CASQ1: variants seen among roughly 807,000 people sequenced by gnomAD.
The protein encoded by CASQ1 is calsequestrin 1.
In CASQ1, 40 loss-of-function variants were observed where a neutral mutation model predicts 49.5. The ratio of observed to expected loss-of-function variants is 0.81; its 90% CI spans 0.63 to 1.05. CASQ1 has a LOEUF of 1.05. Among genes scored for constraint, CASQ1 ranks in the 50% least tolerant of loss-of-function variants. The pLI is 0.00. For missense variants in CASQ1, 469 were observed against 486.9 expected, an observed-to-expected ratio of 0.96 and a Z score of 0.35; for synonymous variants, 174 against 187.2, an observed-to-expected ratio of 0.93 and a Z score of 0.58.
chr1:160,199,983 G>A (rs12133035), intron 10 of CASQ1, 58 bp downstream of exon 10: 15,974 of 1,146,550 alleles, frequency 0.014, 148 homozygotes, highest in Non-Finnish European at 0.018. Context: ...AGCATAGCTA[G>A]CTCTCCTCCT....
At chr1:160,191,752 C>A (rs1020855076) in intron 1 of CASQ1, among the ~76,000 whole-genome samples, 7 of 152,134 alleles carry the variant, frequency 4.6e-5, no homozygotes, top group Non-Finnish European at 7.4e-5. Flanking sequence ...AGAAAAAAAA[C>A]CTATGTTTGG....
chr1:160,190,685 G>T lies in CASQ1; in HGVS notation c.-67G>T, dbSNP rs1654051360. The stretch of plus-strand genomic sequence containing the variant: ...CCCCTAACTCAGAATCTGGGACCCA[G>T]GGGCCCCTCCCTACCCCAGCTAACC... On this transcript the variant is annotated 5_prime_UTR_variant, in exon 1 of 11. In the 5' UTR this introduces an upstream ATG that the reference lacks. Coordinates refer to ENST00000368078, the MANE Select transcript of CASQ1 (RefSeq NM_001231.5). 6.6e-7 allele frequency: 1 copy of T among 1,513,936 alleles called. No individual in the cohort carries two copies. Among genetic ancestry groups the T allele is most frequent in the Non-Finnish European group, 9.0e-7 (1 of 1,116,624 alleles). 93.8% of individuals were successfully genotyped at this position (1,513,936 alleles called of 1,614,324 possible). A position where few individuals can be genotyped will look rare whatever the true frequency, so the allele number is the denominator to read the frequency against.
intron 7 of CASQ1, chr1:160,198,325 G>A (rs1654292174): frequency 5.1e-6 from 1 of 195,504 alleles, no homozygotes; most frequent in African/African-American, 2.3e-5. Context: ...GATCAACAAG[G>A]TGAAACAATG....
At chr1:160,198,563 T>A in intron 7 of CASQ1, 114 bp from the exon 8 acceptor site, 2 of 768,180 alleles carry the variant, frequency 2.6e-6, no homozygotes, top group South Asian at 3.4e-5. Context: ...TGAAGCTGGA[T>A]TTCCACAAAA....
rs1654192844 is a variant in CASQ1 at position 160,195,387 on chromosome 1, G to A, written c.578-74G>A. 4 of 1,374,622 alleles carry A rather than the reference G, an allele frequency of 2.9e-6. No individual in the cohort carries two copies. The South Asian group carries it at 3.5e-5, about 12-fold the overall frequency. The allele number at this position is 1,374,622 out of a possible 1,614,324, so 85.2% of individuals were successfully genotyped here. On this transcript the variant is annotated intron_variant, in intron 4 of 10. Coordinates refer to ENST00000368078, the MANE Select transcript of CASQ1 (RefSeq NM_001231.5). The stretch of plus-strand genomic sequence containing the variant: ...AATGAACCCTGCCTGCAAAGAATTG[G>A]GGACGATAGTGGGGGATGATTCCCG...
Position 160,201,405 on chromosome 1 carries a change from C to G in CASQ1, c.*29C>G. On this transcript the variant is annotated 3_prime_UTR_variant, in exon 11 of 11. Transcript: ENST00000368078. ...CTATGGCAACCATCTTTCAGCCCCACTGGTCTTTTCATGCTCTCTCCTGCC... is the reference window on the plus strand; with the variant it reads ...CTATGGCAACCATCTTTCAGCCCCAGTGGTCTTTTCATGCTCTCTCCTGCC... 2 of 1,611,952 alleles carry G rather than the reference C, an allele frequency of 1.2e-6. No homozygotes were observed. Among genetic ancestry groups the G allele is most frequent in the African/African-American group, 1.3e-5 (1 of 75,010 alleles).
At position 160,190,993 on chromosome 1, in the gene CASQ1, C is replaced by T. The variant is rs1433204903; in HGVS notation, c.242C>T (p.Ser81Leu). The change falls in exon 1 of 11, where the codon TCA becomes TTA. Residue 81 changes from serine (S) to leucine (L), a missense_variant. Physicochemically the swap from Ser to Leu is moderately radical, Grantham distance 145. Coordinates refer to ENST00000368078, the MANE Select transcript of CASQ1 (RefSeq NM_001231.5). ...YHEPPEDDKA[S>L]QRQFEMEELI... The stretch of plus-strand genomic sequence containing the variant: ...GAACCCCCCGAGGATGACAAGGCCT[C>T]ACAAAGACAATTTGAGATGGAGGAG... 3 of 1,614,026 alleles carry T rather than the reference C, an allele frequency of 1.9e-6. No homozygotes were observed. The East Asian group carries it at 6.7e-5, about 36-fold the overall frequency.
At chr1:160,194,025 C>G (rs116123807) in intron 3 of CASQ1, among the ~76,000 whole-genome samples, 178 bp downstream of exon 3, 46,651 of 148,836 alleles carry the variant, frequency 0.31, 8,649 homozygotes, top group East Asian at 0.56. Context: ...CACACACCAC[C>G]TGCATACACA....
At position 160,201,403 on chromosome 1, in the gene CASQ1, C is replaced by T; in HGVS notation, c.*27C>T. 6.2e-7 allele frequency: 1 copy of T among 1,612,340 alleles called. No homozygotes were observed. Among genetic ancestry groups the T allele is most frequent in the Non-Finnish European group, 8.5e-7 (1 of 1,179,052 alleles). On this transcript the variant is annotated 3_prime_UTR_variant, in exon 11 of 11. Transcript: ENST00000368078. The stretch of plus-strand genomic sequence containing the variant: ...TGCTATGGCAACCATCTTTCAGCCC[C>T]ACTGGTCTTTTCATGCTCTCTCCTG...
At position 160,201,617 on chromosome 1, in the gene CASQ1, C is replaced by A; in HGVS notation, c.*241C>A. On this transcript the variant is annotated 3_prime_UTR_variant, in exon 11 of 11. Transcript: ENST00000368078. ...CTTCTGTTTCTTATCCCATAACTTA[C>A]TTGTATCTATTATGTGTCTCTTCCA... 1 of 566,138 alleles carries A rather than the reference C, an allele frequency of 1.8e-6. No individual in the cohort carries two copies. Among genetic ancestry groups the A allele is most frequent in the Admixed American group, 3.0e-5 (1 of 32,944 alleles). 35.1% of individuals were successfully genotyped at this position (566,138 alleles called of 1,614,324 possible). A position where few individuals can be genotyped will look rare whatever the true frequency, so the allele number is the denominator to read the frequency against.
chr1:160,193,650 A>C, intron 2 of CASQ1, 97 bp from the exon 3 acceptor site: 1 of 739,502 alleles, frequency 1.4e-6, no homozygotes, highest in East Asian at 2.7e-5. Flanking sequence ...CCCGGTGATT[A>C]TCAAACGGGC....
intron 7 of CASQ1, 137 bp downstream of exon 7, chr1:160,197,751 G>A: frequency 3.0e-6 from 2 of 668,302 alleles, no homozygotes; most frequent in South Asian, 1.6e-5. Flanking sequence ...GGGTGTGGTG[G>A]CTCATGCCTG....
chr1:160,194,330 ACAC>A (rs1450488525), intron 3 of CASQ1, among the ~76,000 whole-genome samples: 3 of 150,142 alleles, frequency 2.0e-5, no homozygotes, highest in Admixed American at 6.6e-5. Flanking sequence ...ATGTACACAC[ACAC>A]TACACACATG....
chr1:160,195,438 T>A, intron 4 of CASQ1, 23 bp from the exon 5 acceptor site: 1 of 1,609,628 alleles, frequency 6.2e-7, no homozygotes, highest in Non-Finnish European at 8.5e-7. Context: ...CCCCAGAGAC[T>A]GACTCTGCAT....
At chr1:160,193,202 C>T (rs1028290470) in intron 2 of CASQ1, among the ~76,000 whole-genome samples, 3 of 152,084 alleles carry the variant, frequency 2.0e-5, no homozygotes, top group Non-Finnish European at 4.4e-5. Flanking sequence ...GCTGGCCAGA[C>T]CTCTGCAAAC....
At chr1:160,193,680 C>G in intron 2 of CASQ1, 67 bp from the exon 3 acceptor site, 1 of 969,298 alleles carries the variant, frequency 1.0e-6, no homozygotes, top group Non-Finnish European at 1.6e-6. Flanking sequence ...GGATTTGGAC[C>G]TTGAATCTGT....
At chr1:160,193,659 GCTGTGGCCGAGGATTTGGACCTTGAAT>G (rs1020017940) in intron 2 of CASQ1, 61 bp from the exon 3 acceptor site, 1 of 785,154 alleles carries the variant, frequency 1.3e-6, no homozygotes, top group Non-Finnish European at 2.1e-6. Context: ...TATCAAACGG[GCTGTGGCCGAGGATTTGGACCTTGAAT>G]CTGTGGGAAG....
chr1:160,201,483 T>C lies in CASQ1; in HGVS notation c.*107T>C, dbSNP rs1221762788. 6.6e-6 allele frequency: 8 copies of C among 1,208,362 alleles called. No homozygotes were observed. Among genetic ancestry groups the C allele is most frequent in the Non-Finnish European group, 9.4e-6 (8 of 848,540 alleles). 74.9% of individuals were successfully genotyped at this position (1,208,362 alleles called of 1,614,324 possible). A position where few individuals can be genotyped will look rare whatever the true frequency, so the allele number is the denominator to read the frequency against. On this transcript the variant is annotated 3_prime_UTR_variant, in exon 11 of 11. Transcript: ENST00000368078. ...AGGGAGACTAGGTTATTCTCTGCCATAGAGCTAACTGGGGTCTATATGCTG... is the reference window on the plus strand; with the variant it reads ...AGGGAGACTAGGTTATTCTCTGCCACAGAGCTAACTGGGGTCTATATGCTG...
Position 160,196,023 on chromosome 1 carries a change from A to G in CASQ1, c.778A>G (p.Arg260Gly), listed in dbSNP as rs552145294. The G allele has an allele frequency of 1.2e-6, 2 of 1,613,796 alleles. No individual in the cohort carries two copies. Among genetic ancestry groups the G allele is most frequent in the Middle Eastern group, 1.7e-4 (1 of 6,056 alleles). Reference sequence around the variant, plus strand: ...GATTGTCAACTTCGTGGAGGAGCACAGGAGGTGGGGACCAAGGGCAACCCT... The same window carrying G: ...GATTGTCAACTTCGTGGAGGAGCACGGGAGGTGGGGACCAAGGGCAACCCT... ...EEIVNFVEEHRRSTLRKLKPE... is the reference protein window; with the variant it reads ...EEIVNFVEEHGRSTLRKLKPE... Residue 260 changes from arginine to glycine, a missense_variant, in exon 6 of 11, where the codon AGG becomes GGG. Transcript: ENST00000368078.
Sources: gnomAD v4.1 joint callset for allele counts (sites outside exome capture counted in the v4.1 genomes callset) on GRCh38, gnomAD v4.1.1 for gene constraint, MANE v1.5 for transcripts, NCBI Gene and HGNC (gene_info 2026-07-23, HGNC 2026-07-21) for gene names.